Variants in CSMD1 observed in about 807,000 individuals in gnomAD.
CSMD1 encodes the protein CUB and Sushi multiple domains 1, also known as CUB and sushi domain-containing protein 1.
A neutral mutation model predicts 417.5 loss-of-function variants in CSMD1; 213 were observed. The ratio of observed to expected loss-of-function variants is 0.51; its 90% CI spans 0.46 to 0.57. CSMD1 has a LOEUF of 0.57. Ranked by LOEUF, CSMD1 falls within the 20% of genes least tolerant of loss-of-function variation. The pLI is 0.00. For missense variants in CSMD1, 6,923 were observed against 4,529.7 expected (o/e 1.53, Z -15.17); for synonymous variants, 2,862 against 1,736.8 (o/e 1.65, Z -16.11).
chr8:4,785,247 T>A (rs993082856), intron 1 of CSMD1, among the ~76,000 whole-genome samples: 2 of 152,132 alleles, frequency 1.3e-5, no homozygotes, highest in African/African-American at 4.8e-5. Context: ...AGAGCAGTCA[T>A]GAGGAGGTGA....
At chr8:4,928,907 A>C (rs1312148079) in intron 1 of CSMD1, among the ~76,000 whole-genome samples, 2 of 152,080 alleles carry the variant, frequency 1.3e-5, no homozygotes, top group Non-Finnish European at 2.9e-5. Context: ...CATCTCAACT[A>C]AAAATATAAA....
At chr8:3,283,754 G>A (rs1039339423) in intron 26 of CSMD1, among the ~76,000 whole-genome samples, 1 of 152,184 alleles carries the variant, frequency 6.6e-6, no homozygotes, top group Non-Finnish European at 1.5e-5. Flanking sequence ...CTGAGCAAAG[G>A]AGACTTAAGT....
intron 3 of CSMD1, among the ~76,000 whole-genome samples, chr8:4,384,540 A>G (rs1054078473): frequency 6.6e-6 from 1 of 152,220 alleles, no homozygotes; most frequent in African/African-American, 2.4e-5. Flanking sequence ...ATACTTTATG[A>G]AGTCCTACCC....
intron 3 of CSMD1, among the ~76,000 whole-genome samples, chr8:4,271,011 G>C (rs1021547156): frequency 2.0e-5 from 3 of 152,194 alleles, no homozygotes; most frequent in African/African-American, 7.2e-5. Flanking sequence ...TGTTATGAGA[G>C]CAGGTCCTAG....
chr8:4,645,351 C>T (rs1041080060), intron 1 of CSMD1, among the ~76,000 whole-genome samples: 11 of 138,862 alleles, frequency 7.9e-5, no homozygotes, highest in Admixed American at 4.9e-4. Flanking sequence ...TTTTCACCTA[C>T]TGAGAAATTG....
At chr8:4,616,292 A>G (rs1450077073) in intron 2 of CSMD1, among the ~76,000 whole-genome samples, 2 of 152,218 alleles carry the variant, frequency 1.3e-5, no homozygotes, top group Non-Finnish European at 2.9e-5. Flanking sequence ...TGGAATTCCA[A>G]ATGAATGTTT....
chr8:4,371,797 G>T (rs1271959209), intron 3 of CSMD1, among the ~76,000 whole-genome samples: 1 of 152,162 alleles, frequency 6.6e-6, no homozygotes, highest in Non-Finnish European at 1.5e-5. Flanking sequence ...AATTCATGTT[G>T]TTGGACTGCC....
At chr8:4,955,217 A>T (rs1323240792) in intron 1 of CSMD1, among the ~76,000 whole-genome samples, 1 of 152,168 alleles carries the variant, frequency 6.6e-6, no homozygotes, top group Non-Finnish European at 1.5e-5. Flanking sequence ...GTGTGCACAG[A>T]AGTTTTCAGA....
At chr8:3,953,054 A>G (rs1811696230) in intron 5 of CSMD1, among the ~76,000 whole-genome samples, 1 of 152,118 alleles carries the variant, frequency 6.6e-6, no homozygotes, top group Non-Finnish European at 1.5e-5. Context: ...TAATCAATGA[A>G]AAGAACAGAA....
intron 3 of CSMD1, among the ~76,000 whole-genome samples, chr8:4,238,362 G>A (rs991902901): frequency 2.8e-4 from 43 of 152,304 alleles, no homozygotes; most frequent in African/African-American, 9.1e-4. Flanking sequence ...AGCAAGGACT[G>A]GGGCAGCCCA....
At chr8:4,890,612 C>G (rs764928200) in intron 1 of CSMD1, among the ~76,000 whole-genome samples, 1 of 135,562 alleles carries the variant, frequency 7.4e-6, no homozygotes, top group African/African-American at 2.8e-5. Context: ...GACACCCTCC[C>G]CTGCTTCAGG....
At chr8:3,951,254 G>T (rs147337314) in intron 5 of CSMD1, among the ~76,000 whole-genome samples, 7 of 152,172 alleles carry the variant, frequency 4.6e-5, no homozygotes, top group South Asian at 2.1e-4. Context: ...GGTGACTGAG[G>T]CCAGAGTGGA....
chr8:4,157,977 C>T (rs554980718), intron 3 of CSMD1, among the ~76,000 whole-genome samples: 7 of 152,274 alleles, frequency 4.6e-5, no homozygotes, highest in Admixed American at 2.0e-4. Flanking sequence ...CGAGATTGGC[C>T]AACTGTTGCT....
At chr8:3,564,593 C>A (rs1034690414) in intron 10 of CSMD1, among the ~76,000 whole-genome samples, 2 of 149,810 alleles carry the variant, frequency 1.3e-5, no homozygotes, top group African/African-American at 4.9e-5. Flanking sequence ...GGCCCTTGTT[C>A]TCCATTTTAT....
chr8:3,305,836 C>A (rs745719506), intron 25 of CSMD1, among the ~76,000 whole-genome samples: 2 of 152,000 alleles, frequency 1.3e-5, no homozygotes, highest in African/African-American at 2.4e-5. Flanking sequence ...CCTGCCACCA[C>A]GTGTGGCTAA....
At chr8:4,603,890 T>C (rs1415893684) in intron 2 of CSMD1, among the ~76,000 whole-genome samples, 1 of 152,168 alleles carries the variant, frequency 6.6e-6, no homozygotes, top group Non-Finnish European at 1.5e-5. Context: ...TTTAATTTTA[T>C]AAGTATTACT....
rs527577144 is a variant in CSMD1, at chr8:3,477,329, A to G, written c.1449-8505T>C. Reference sequence around the variant, plus strand: ...AATGGAAACGTAAAGCCTGCCCTTCAGATAAAAACTTGCCTAAAACTGAAC... The same window carrying G: ...AATGGAAACGTAAAGCCTGCCCTTCGGATAAAAACTTGCCTAAAACTGAAC... On this transcript the variant is annotated intron_variant, in intron 11 of 69. Coordinates refer to ENST00000635120, the MANE Select transcript of CSMD1 (RefSeq NM_033225.6). Among the ~76,000 whole-genome samples the G allele has an allele frequency of 1.2e-3, 176 of 152,352 alleles. No homozygotes were observed. The Middle Eastern group carries it at 0.017, about 15-fold the overall frequency.
intron 36 of CSMD1, chr8:3,183,209 G>C (rs1204642787): frequency 1.0e-5 from 1 of 98,260 alleles, no homozygotes; most frequent in East Asian, 2.6e-4. Context: ...CTGAAATATC[G>C]AGTAGGTCTC....
intron 3 of CSMD1, among the ~76,000 whole-genome samples, chr8:4,381,729 C>T (rs143594607): frequency 6.6e-6 from 1 of 152,138 alleles, no homozygotes; most frequent in African/African-American, 2.4e-5. Flanking sequence ...CGTGGATGGA[C>T]TTTAGGCTTC....
Sources: gnomAD v4.1 joint callset for allele counts (sites outside exome capture counted in the v4.1 genomes callset) on GRCh38, gnomAD v4.1.1 for gene constraint, MANE v1.5 for transcripts, NCBI Gene and HGNC (gene_info 2026-07-23, HGNC 2026-07-21) for gene names.